Variants in WDFY3 observed in about 807,000 individuals in gnomAD.
WDFY3 encodes WD repeat and FYVE domain containing 3.
WDFY3 carries 66 observed loss-of-function variants against 409.6 expected under a neutral mutation model. That is an observed-to-expected ratio of 0.16 (90% CI 0.13 to 0.20). The LOEUF is 0.20. Ranked by LOEUF, WDFY3 falls within the 10% of genes least tolerant of loss-of-function variation. The pLI, the probability that WDFY3 is intolerant of heterozygous loss-of-function variation, is 1.00. For synonymous variants in WDFY3, 1,521 were observed against 1,537.1 expected (o/e 0.99, Z 0.25); for missense variants, 3,031 against 4,298.1 (o/e 0.71, Z 8.24).
chr4:84,781,350 C>T (rs1746472941), intron 25 of WDFY3, among the ~76,000 whole-genome samples: 1 of 150,960 alleles, frequency 6.6e-6, no homozygotes, highest in Non-Finnish European at 1.5e-5. Flanking sequence ...TTTCTATGTG[C>T]TCTGCAGTAT....
intron 56 of WDFY3, among the ~76,000 whole-genome samples, chr4:84,701,107 C>T (rs1731011122): frequency 6.6e-6 from 1 of 152,188 alleles, no homozygotes; most frequent in African/African-American, 2.4e-5. Context: ...AAGACTCTGT[C>T]TCAATAAAAG....
Position 84,821,910 on chromosome 4 carries a change from C to G in WDFY3, c.1124-359G>C, listed in dbSNP as rs577234263. Among the ~76,000 whole-genome samples the G allele has an allele frequency of 3.3e-5, 5 of 152,234 alleles. No homozygotes were observed. In the East Asian group the frequency reaches 9.7e-4, roughly 29 times the overall value. On this transcript the variant is annotated intron_variant, in intron 10 of 67. Transcript: ENST00000295888. ...TGATTTTGACTATAAGGACAGCTGT[C>G]TCTCAATTTAAAAAGACTTTGAGGC...
intron 27 of WDFY3, among the ~76,000 whole-genome samples, chr4:84,776,325 T>C (rs1040904484): frequency 6.6e-6 from 1 of 151,954 alleles, no homozygotes; most frequent in Non-Finnish European, 1.5e-5. Context: ...GTCAAATGAG[T>C]ATTCTAAAAA....
At chr4:84,863,645 C>T (rs1343210998) in intron 3 of WDFY3, among the ~76,000 whole-genome samples, 1 of 152,036 alleles carries the variant, frequency 6.6e-6, no homozygotes, top group African/African-American at 2.4e-5. Flanking sequence ...TGAGGCTCTC[C>T]CTGTTTTTAC....
intron 36 of WDFY3, among the ~76,000 whole-genome samples, chr4:84,747,240 G>A (rs1310151560): frequency 6.6e-6 from 1 of 152,144 alleles, no homozygotes; most frequent in Non-Finnish European, 1.5e-5. Context: ...CAGCCCTTAC[G>A]CATCTGCTGC....
At chr4:84,914,703 T>G (rs1768244577) in intron 2 of WDFY3, among the ~76,000 whole-genome samples, 5 of 152,116 alleles carry the variant, frequency 3.3e-5, no homozygotes. Context: ...TGCTAGTAAG[T>G]ATGTAGAGAA....
At chr4:84,746,814 A>C (rs1011180878) in intron 36 of WDFY3, among the ~76,000 whole-genome samples, 1 of 150,326 alleles carries the variant, frequency 6.7e-6, no homozygotes, top group African/African-American at 2.5e-5. Context: ...AATACCCTTG[A>C]AATAGATACT....
chr4:84,913,664 A>G (rs1421658686), intron 2 of WDFY3, among the ~76,000 whole-genome samples: 1 of 152,094 alleles, frequency 6.6e-6, no homozygotes, highest in Admixed American at 6.6e-5. Context: ...GACTTCTTTT[A>G]TGACATGGAC....
At chr4:84,829,764 G>A (rs1755400318) in intron 8 of WDFY3, among the ~76,000 whole-genome samples, 3 of 150,478 alleles carry the variant, frequency 2.0e-5, no homozygotes, top group Admixed American at 6.6e-5. Context: ...CCAAGATCAC[G>A]CCACTGCACT....
rs776260409 is a variant in WDFY3, at chr4:84,704,367, G to A, written c.8413C>T (p.Pro2805Ser). The A allele has an allele frequency of 6.2e-6, 10 of 1,611,886 alleles. No individual in the cohort carries two copies. Among genetic ancestry groups the A allele is most frequent in the Non-Finnish European group, 8.5e-6 (10 of 1,179,054 alleles). ...AGCCTTAAGAATATCTGTGTGAAAG[G>A]CTCCATCCTTACAAGGTATGAGGCC... Reference protein sequence around the residue: ...IVASYLVRMEPFTQIFLRLQG... With the variant: ...IVASYLVRMESFTQIFLRLQG... The change falls in exon 55 of 68, where the codon CCT becomes TCT. Residue 2805 changes from proline to serine, a missense_variant. Physicochemically the swap from Pro to Ser is moderately conservative, Grantham distance 74. Transcript: ENST00000295888.
intron 41 of WDFY3, 39 bp downstream of exon 41, chr4:84,737,145 A>ATT: frequency 2.5e-6 from 4 of 1,611,310 alleles, no homozygotes; most frequent in Non-Finnish European, 3.4e-6. Context: ...TGATAGCCAC[A>ATT]TGTAAATCTC....
chr4:84,801,654 A>G lies in WDFY3; in HGVS notation c.2818T>C (p.Leu940=). The change falls in exon 17 of 68, where the codon TTG becomes CTG. Residue 940 remains leucine (L), a synonymous_variant. Transcript: ENST00000295888. The part of the protein sequence containing the change: ...LASQALEPMV[L]REFLRLASPL... ...TGAGTATGAAAGAGAACTTACCTCA[A>G]CACCATGGGTTCCAGAGCCTGAGAG... is the stretch of plus-strand genomic sequence containing the variant. 1 of 1,609,116 alleles carries G rather than the reference A, an allele frequency of 6.2e-7. No homozygotes were observed.
chr4:84,822,320 C>T (rs1268372740), intron 10 of WDFY3, among the ~76,000 whole-genome samples: 1 of 151,898 alleles, frequency 6.6e-6, no homozygotes, highest in East Asian at 1.9e-4. Context: ...CAAGTATGAC[C>T]AAAAAATTAA....
intron 2 of WDFY3, among the ~76,000 whole-genome samples, chr4:84,931,489 C>G (rs1282851355): frequency 6.6e-6 from 1 of 152,078 alleles, no homozygotes. Context: ...ATAGCTAGTT[C>G]CCAAAGAGAG....
At chr4:84,802,644 A>G (rs185920365) in intron 16 of WDFY3, among the ~76,000 whole-genome samples, 127 of 152,350 alleles carry the variant, frequency 8.3e-4, no homozygotes, top group African/African-American at 2.9e-3. Context: ...AGAGCAATAT[A>G]GCAATTCCAG....
At position 84,755,375 on chromosome 4, in the gene WDFY3, A is replaced by G. The variant is rs1436133418; in HGVS notation, c.5450T>C (p.Phe1817Ser). 1 of 1,609,898 alleles carries G rather than the reference A, an allele frequency of 6.2e-7. No homozygotes were observed. The highest frequency in any genetic ancestry group is 8.5e-7 in the Non-Finnish European group (1 of 1,179,146). ...GCTGGAGGCAGGAACTCCAAAGATGAATGTCCAAATGGAATCCAAATCAAA... is the reference window on the plus strand; with the variant it reads ...GCTGGAGGCAGGAACTCCAAAGATGGATGTCCAAATGGAATCCAAATCAAA... ...CQFDLDSIWT[F>S]IFGVPASSGT... Residue 1817 changes from phenylalanine to serine, a missense_variant, in exon 34 of 68, where the codon TTC becomes TCC. Physicochemically the swap from Phe to Ser is radical, Grantham distance 155 (BLOSUM62 -2). This residue lies in a region of WDFY3 where 342 missense variants were observed against 463.7 expected (regional missense o/e 0.74). Transcript: ENST00000295888.
intron 3 of WDFY3, among the ~76,000 whole-genome samples, chr4:84,880,785 T>G (rs2150396686): frequency 7.0e-6 from 1 of 143,000 alleles, no homozygotes; most frequent in South Asian, 2.3e-4. Context: ...TGATAGGATC[T>G]CGGCTCACTG....
intron 2 of WDFY3, among the ~76,000 whole-genome samples, chr4:84,922,062 C>A (rs1425417932): frequency 6.6e-6 from 1 of 151,822 alleles, no homozygotes; most frequent in East Asian, 1.9e-4. Flanking sequence ...GTATAATATA[C>A]ATAAAGTTAC....
intron 44 of WDFY3, among the ~76,000 whole-genome samples, chr4:84,728,213 A>G (rs1400658276): frequency 6.6e-6 from 1 of 152,100 alleles, no homozygotes; most frequent in Non-Finnish European, 1.5e-5. Flanking sequence ...CATAAAACAA[A>G]ACAAAACAAA....
Sources: gnomAD v4.1 joint callset for allele counts (sites outside exome capture counted in the v4.1 genomes callset) on GRCh38, gnomAD v4.1.1 for gene constraint, gnomAD v4.1.1 regional missense constraint, MANE v1.5 for transcripts, NCBI Gene and HGNC (gene_info 2026-07-23, HGNC 2026-07-21) for gene names.